RYR2: variants seen among roughly 807,000 people sequenced by gnomAD.
RYR2 encodes cardiac muscle ryanodine receptor-calcium release channel.
RYR2 carries 227 observed loss-of-function variants against 601.1 expected under a neutral mutation model. The ratio of observed to expected loss-of-function variants is 0.38; its 90% CI spans 0.34 to 0.42. The LOEUF (loss-of-function observed/expected upper bound fraction) is 0.42. Ranked by LOEUF, RYR2 falls within the 10% of genes least tolerant of loss-of-function variation. RYR2 has a pLI of 1.00. For synonymous variants in RYR2, 2,223 were observed against 2,175.1 expected (o/e 1.02, Z -0.61); for missense variants, 4,646 against 6,156.5 (o/e 0.75, Z 8.21).
At chr1:237,623,337 T>G (rs781365908) in intron 38 of RYR2, among the ~76,000 whole-genome samples, 4 of 152,014 alleles carry the variant, frequency 2.6e-5, no homozygotes, top group Non-Finnish European at 5.9e-5. Flanking sequence ...TTTTTGCTTT[T>G]GTGGTAGTTG....
At chr1:237,135,685 G>A (rs1672698882) in intron 1 of RYR2, among the ~76,000 whole-genome samples, 2 of 151,956 alleles carry the variant, frequency 1.3e-5, no homozygotes, top group African/African-American at 4.8e-5. Flanking sequence ...CCCCCTCGTT[G>A]GTTTTAACTG....
In RYR2 at chr1:237,623,826, G is replaced by A. The variant is rs551362343; in HGVS notation, c.5978G>A (p.Arg1993His). 1.1e-5 allele frequency: 18 copies of A among 1,613,264 alleles called. No homozygotes were observed. Among genetic ancestry groups the A allele is most frequent in the South Asian group, 3.3e-5 (3 of 91,064 alleles). ...KSECPCPEEI[R>H]DQLLDFHEDL... ...GAATGTCCATGTCCAGAAGAAATTC[G>A]TGACCAACTATTGGATTTCCATGAA... The change falls in exon 39 of 105, where the codon CGT becomes CAT. Residue 1993 changes from arginine to histidine, a missense_variant. Coordinates refer to ENST00000366574, the MANE Select transcript of RYR2 (RefSeq NM_001035.3).
chr1:237,540,911 G>GTATATATATATA (rs61555601), intron 25 of RYR2, among the ~76,000 whole-genome samples: 7 of 148,780 alleles, frequency 4.7e-5, no homozygotes, highest in African/African-American at 1.5e-4. Context: ...ATGTGTGTGT[G>GTATATATATATA]TATATATATA....
intron 12 of RYR2, among the ~76,000 whole-genome samples, chr1:237,426,635 T>G (rs1271331540): frequency 6.6e-6 from 1 of 152,186 alleles, no homozygotes; most frequent in Non-Finnish European, 1.5e-5. Flanking sequence ...TTAGAAAAAC[T>G]AGAAGAAATT....
chr1:237,235,015 G>C (rs1306932173), intron 1 of RYR2, among the ~76,000 whole-genome samples: 1 of 152,126 alleles, frequency 6.6e-6, no homozygotes, highest in Admixed American at 6.6e-5. Context: ...CTGGGGTTCA[G>C]GGTCCACTTG....
chr1:237,255,285 A>G (rs1687842790), intron 1 of RYR2, among the ~76,000 whole-genome samples: 1 of 152,208 alleles, frequency 6.6e-6, no homozygotes, highest in South Asian at 2.1e-4. Context: ...AATGTCTGAA[A>G]TATGTCCAGT....
chr1:237,597,070 C>T (rs946999858), intron 34 of RYR2, among the ~76,000 whole-genome samples: 6 of 152,062 alleles, frequency 3.9e-5, no homozygotes, highest in African/African-American at 1.4e-4. Context: ...AGTATAAAAC[C>T]CATTCGTAGA....
At chr1:237,312,107 A>C (rs372541249) in intron 2 of RYR2, among the ~76,000 whole-genome samples, 17 of 152,292 alleles carry the variant, frequency 1.1e-4, no homozygotes, top group Middle Eastern at 3.4e-3. Flanking sequence ...GAGACAATAG[A>C]TTGTCAGGAG....
intron 1 of RYR2, among the ~76,000 whole-genome samples, chr1:237,198,129 C>G (rs529819650): frequency 6.6e-6 from 1 of 152,294 alleles, no homozygotes; most frequent in African/African-American, 2.4e-5. Flanking sequence ...GGGTTATGGC[C>G]ATGCACTTTG....
chr1:237,794,678 T>C (rs1032514089), intron 95 of RYR2, among the ~76,000 whole-genome samples: 3 of 152,246 alleles, frequency 2.0e-5, no homozygotes, highest in Non-Finnish European at 2.9e-5. Flanking sequence ...TGATTAGTTT[T>C]GCTAATTAAA....
At chr1:237,165,559 T>G (rs1676608127) in intron 1 of RYR2, among the ~76,000 whole-genome samples, 1 of 152,180 alleles carries the variant, frequency 6.6e-6, no homozygotes, top group South Asian at 2.1e-4. Flanking sequence ...TTAAATAATG[T>G]CCTTTTATTT....
intron 80 of RYR2, among the ~76,000 whole-genome samples, chr1:237,749,718 G>A (rs184086426): frequency 9.2e-5 from 14 of 152,230 alleles, no homozygotes; most frequent in South Asian, 4.1e-4. Context: ...GGGCAATTTC[G>A]CAGTTTCTCT....
At chr1:237,493,465 T>C (rs554368059) in intron 19 of RYR2, among the ~76,000 whole-genome samples, 28 of 152,310 alleles carry the variant, frequency 1.8e-4, no homozygotes, top group Non-Finnish European at 2.2e-4. Context: ...TTTTTTCTTT[T>C]TTTTTAAGAC....
At chr1:237,273,989 A>G (rs1689983864) in intron 2 of RYR2, among the ~76,000 whole-genome samples, 1 of 146,708 alleles carries the variant, frequency 6.8e-6, no homozygotes, top group South Asian at 2.1e-4. Flanking sequence ...TTATAAATTA[A>G]TGTACATTCA....
chr1:237,061,386 T>C (rs529808335), intron 1 of RYR2, among the ~76,000 whole-genome samples: 31 of 152,280 alleles, frequency 2.0e-4, no homozygotes, highest in Admixed American at 1.9e-3. Context: ...GGCACAGTCA[T>C]AGCTTGCTGC....
chr1:237,413,526 A>G (rs1027817158), intron 10 of RYR2, among the ~76,000 whole-genome samples: 3 of 152,140 alleles, frequency 2.0e-5, no homozygotes, highest in South Asian at 2.1e-4. Context: ...TGCTATTTGT[A>G]TCTTAGAGAC....
intron 1 of RYR2, among the ~76,000 whole-genome samples, chr1:237,088,173 T>C (rs1666563765): frequency 6.6e-6 from 1 of 152,138 alleles, no homozygotes; most frequent in African/African-American, 2.4e-5. Flanking sequence ...CCCAAGTGGC[T>C]TGGGGCTAGC....
At chr1:237,537,732 C>CA (rs1011988504) in intron 25 of RYR2, among the ~76,000 whole-genome samples, 3 of 151,606 alleles carry the variant, frequency 2.0e-5, no homozygotes, top group Non-Finnish European at 2.9e-5. Context: ...AGCCAAAAAA[C>CA]AAAAAAAGCA....
chr1:237,816,412 C>T (rs569198793), intron 100 of RYR2, among the ~76,000 whole-genome samples: 7 of 152,124 alleles, frequency 4.6e-5, no homozygotes, highest in East Asian at 1.9e-4. Flanking sequence ...AGGCTAGGCA[C>T]GGTGACTCAA....
Sources: gnomAD v4.1 joint callset for allele counts (sites outside exome capture counted in the v4.1 genomes callset) on GRCh38, gnomAD v4.1.1 for gene constraint, MANE v1.5 for transcripts, NCBI Gene and HGNC (gene_info 2026-07-23, HGNC 2026-07-21) for gene names.